TMEFF2: variants seen among roughly 807,000 people sequenced by gnomAD.
The protein encoded by TMEFF2 is tomoregulin-2.
In TMEFF2, 28 loss-of-function variants were observed where a neutral mutation model predicts 53.8. That is an observed-to-expected ratio of 0.52 (90% confidence interval 0.39 to 0.71). The LOEUF (loss-of-function observed/expected upper bound fraction) is 0.71, where lower values mean the gene tolerates loss of function less well. TMEFF2 is among the 30% of genes least tolerant of loss of function. The probability of loss-of-function intolerance (pLI) is 0.00; values close to 1 mark genes in which losing one functional copy is unlikely to be tolerated. For missense variants in TMEFF2, 353 were observed against 455.2 expected (o/e 0.78, Z 2.04); for synonymous variants, 162 against 166.3 (o/e 0.97, Z 0.20).
At chr2:192,058,917 C>T (rs1426480279) in intron 4 of TMEFF2, among the ~76,000 whole-genome samples, 5 of 152,082 alleles carry the variant, frequency 3.3e-5, no homozygotes, top group Non-Finnish European at 7.4e-5. Flanking sequence ...GCACCTTGAA[C>T]CTGTCAAATC....
chr2:192,188,689 T>A (rs565928146), intron 2 of TMEFF2, among the ~76,000 whole-genome samples: 1 of 152,178 alleles, frequency 6.6e-6, no homozygotes, highest in East Asian at 1.9e-4. Flanking sequence ...CTGAAAAACA[T>A]AAGGCTTCAT....
chr2:192,125,264 C>T lies in TMEFF2; in HGVS notation c.439+54404G>A, dbSNP rs146511073. ...ACTAGAAGTGAGATCTTAAAATAAA[C>T]GTTACAGGGAGAAGATAAACAAGTA... On this transcript the variant is annotated intron_variant, in intron 4 of 9. Transcript: ENST00000272771. Among the ~76,000 whole-genome samples the T allele has an allele frequency of 1.1e-4, 16 of 152,146 alleles. No homozygotes were observed. In the East Asian group the frequency reaches 1.2e-3, roughly 11 times the overall value.
At chr2:191,999,007 T>G in intron 6 of TMEFF2, 53 bp downstream of exon 6, 1 of 1,544,082 alleles carries the variant, frequency 6.5e-7, no homozygotes, top group Non-Finnish European at 8.8e-7. Context: ...ACTTTTCATT[T>G]TTGCACAAAG....
intron 4 of TMEFF2, among the ~76,000 whole-genome samples, chr2:192,168,869 G>A (rs1027288162): frequency 1.3e-5 from 2 of 151,826 alleles, no homozygotes; most frequent in African/African-American, 4.8e-5. Context: ...TGGAGATGGG[G>A]TCTTGTTACA....
At chr2:192,061,976 C>A (rs1328224003) in intron 4 of TMEFF2, among the ~76,000 whole-genome samples, 1 of 152,154 alleles carries the variant, frequency 6.6e-6, no homozygotes, top group Non-Finnish European at 1.5e-5. Flanking sequence ...CTCATACAGC[C>A]TGGAGAACCA....
intron 4 of TMEFF2, among the ~76,000 whole-genome samples, chr2:192,131,736 G>A (rs1372566916): frequency 6.6e-6 from 1 of 151,984 alleles, no homozygotes; most frequent in Non-Finnish European, 1.5e-5. Flanking sequence ...CCCTTAGCCT[G>A]TATTCTTAAG....
At chr2:192,154,518 G>T (rs1444604281) in intron 4 of TMEFF2, among the ~76,000 whole-genome samples, 2 of 151,956 alleles carry the variant, frequency 1.3e-5, no homozygotes, top group Non-Finnish European at 2.9e-5. Context: ...TTTGGTGCTT[G>T]TGTCTCCAAT....
chr2:192,117,054 T>C (rs1007872895), intron 4 of TMEFF2, among the ~76,000 whole-genome samples: 1 of 152,210 alleles, frequency 6.6e-6, no homozygotes, highest in African/African-American at 2.4e-5. Flanking sequence ...AGATGTTTGA[T>C]ATTTGTAATG....
chr2:192,055,245 A>T (rs1687874541), intron 5 of TMEFF2, among the ~76,000 whole-genome samples: 1 of 152,244 alleles, frequency 6.6e-6, no homozygotes, highest in Admixed American at 6.5e-5. Flanking sequence ...AGGAAGGAGA[A>T]AGAGTCTTTG....
intron 4 of TMEFF2, among the ~76,000 whole-genome samples, chr2:192,133,931 C>T (rs1689928502): frequency 6.6e-6 from 1 of 152,200 alleles, no homozygotes; most frequent in South Asian, 2.1e-4. Flanking sequence ...TACAAAACAA[C>T]AACTCCTTTC....
chr2:192,052,219 A>C (rs967579631), intron 5 of TMEFF2, among the ~76,000 whole-genome samples: 8 of 152,222 alleles, frequency 5.3e-5, no homozygotes, highest in African/African-American at 1.9e-4. Flanking sequence ...ATCTGGCTGC[A>C]TCTGCTCTTA....
chr2:192,190,802 T>A (rs1418029418), intron 2 of TMEFF2, among the ~76,000 whole-genome samples: 5 of 152,194 alleles, frequency 3.3e-5, no homozygotes, highest in African/African-American at 4.8e-5. Flanking sequence ...CTAAAATATT[T>A]AAATTTCATC....
chr2:192,139,724 CG>C (rs1466408099), intron 4 of TMEFF2, among the ~76,000 whole-genome samples: 2 of 152,118 alleles, frequency 1.3e-5, no homozygotes, highest in Non-Finnish European at 2.9e-5. Flanking sequence ...GCATGCCAAA[CG>C]AATCTCATTA....
chr2:192,124,194 T>G (rs1465592415), intron 4 of TMEFF2, among the ~76,000 whole-genome samples: 2 of 152,228 alleles, frequency 1.3e-5, no homozygotes, highest in African/African-American at 4.8e-5. Flanking sequence ...TCTACCACTT[T>G]AAGATAAACA....
Position 192,100,263 on chromosome 2 carries a change from T to A in TMEFF2, c.440-42488A>T, listed in dbSNP as rs570648410. Among the ~76,000 whole-genome samples, 9 of 152,304 alleles carry A rather than the reference T, an allele frequency of 5.9e-5. No individual in the cohort carries two copies. In the South Asian group the frequency reaches 1.9e-3, roughly 32 times the overall value. On this transcript the variant is annotated intron_variant, in intron 4 of 9. Transcript: ENST00000272771. ...GAGGCTTAAAATCTGATCTTGTTCA[T>A]GATGGTGTGTCAGACTGTGGTCTGC...
intron 4 of TMEFF2, among the ~76,000 whole-genome samples, chr2:192,167,626 T>A (rs1451753674): frequency 6.6e-6 from 1 of 152,130 alleles, no homozygotes; most frequent in Non-Finnish European, 1.5e-5. Flanking sequence ...CTCCTTTTTA[T>A]CCTCTACACT....
chr2:191,996,464 A>ATAAT (rs1229557583), intron 7 of TMEFF2, among the ~76,000 whole-genome samples: 1 of 151,920 alleles, frequency 6.6e-6, no homozygotes, highest in African/African-American at 2.4e-5. Context: ...TCAAAATATA[A>ATAAT]TAATTGTTTA....
intron 5 of TMEFF2, among the ~76,000 whole-genome samples, chr2:192,025,151 T>C (rs7593609): frequency 0.031 from 4,749 of 152,258 alleles, 251 homozygotes; most frequent in African/African-American, 0.11. Flanking sequence ...TATCAAGCAT[T>C]GTGTTGGTGA....
intron 4 of TMEFF2, among the ~76,000 whole-genome samples, chr2:192,167,341 G>A (rs1268365169): frequency 6.6e-6 from 1 of 152,104 alleles, no homozygotes; most frequent in Non-Finnish European, 1.5e-5. Flanking sequence ...GAAAACATGT[G>A]TTGGGCGTAT....
Sources: gnomAD v4.1 joint callset for allele counts (sites outside exome capture counted in the v4.1 genomes callset) on GRCh38, gnomAD v4.1.1 for gene constraint, MANE v1.5 for transcripts, NCBI Gene and HGNC (gene_info 2026-07-23, HGNC 2026-07-21) for gene names.